ATG10: variants seen among roughly 807,000 people sequenced by gnomAD.
The protein encoded by ATG10 is autophagy related 10, also known as ubiquitin-like-conjugating enzyme ATG10.
ATG10 carries 30 observed loss-of-function variants against 32.1 expected under a neutral mutation model. That is an observed-to-expected ratio of 0.94 (90% CI 0.70 to 1.27). ATG10 has a LOEUF of 1.27. ATG10 is among the 50% of genes most tolerant of loss of function. The pLI, the probability that ATG10 is intolerant of heterozygous loss-of-function variation, is 0.00. For synonymous variants in ATG10, 87 were observed against 91.5 expected (o/e 0.95, Z 0.28); for missense variants, 233 against 262.3 (o/e 0.89, Z 0.77).
intron 3 of ATG10, among the ~76,000 whole-genome samples, chr5:82,098,313 T>G (rs1224085938): frequency 7.0e-6 from 1 of 142,856 alleles, no homozygotes; most frequent in Non-Finnish European, 1.5e-5. Context: ...GTTGGGTTTT[T>G]TTTTTTTTTT....
chr5:82,120,654 TTTCTG>T (rs1320680837), intron 3 of ATG10, among the ~76,000 whole-genome samples: 1 of 147,250 alleles, frequency 6.8e-6, no homozygotes, highest in African/African-American at 2.7e-5. Flanking sequence ...CTTTTACTTT[TTTCTG>T]TTTTTTTTTT....
intron 2 of ATG10, among the ~76,000 whole-genome samples, chr5:82,053,116 G>A (rs1237252542): frequency 1.3e-5 from 2 of 152,002 alleles, no homozygotes; most frequent in African/African-American, 4.8e-5. Flanking sequence ...GTATGAGAGT[G>A]CCTGCTTGTT....
rs531314169 is a variant in ATG10, at chr5:82,206,805, CA to C, written c.453+28219del. ...TCCCAATCACTTTCTCTCCCTTTTT[CA>C]TAGATGTAACAATTGTCTTGACTTC... is the stretch of plus-strand genomic sequence containing the variant. On this transcript the variant is annotated intron_variant, in intron 5 of 7. Transcript: ENST00000282185. 9.2e-5 allele frequency among the ~76,000 whole-genome samples: 14 copies of C among 152,218 alleles called. No homozygotes were observed. The South Asian group carries it at 2.9e-3, about 32-fold the overall frequency.
At chr5:82,139,720 T>C (rs1386472406) in intron 3 of ATG10, among the ~76,000 whole-genome samples, 55 of 83,730 alleles carry the variant, frequency 6.6e-4, no homozygotes, top group African/African-American at 2.6e-3. Context: ...TGGGGGGGGG[T>C]CAGCCCCCTG....
At chr5:82,204,160 T>C (rs1242882373) in intron 5 of ATG10, among the ~76,000 whole-genome samples, 1 of 152,204 alleles carries the variant, frequency 6.6e-6, no homozygotes, top group East Asian at 1.9e-4. Flanking sequence ...ATGTGGGAAG[T>C]AGTACTGCTT....
chr5:82,067,472 A>G (rs1370606829), intron 3 of ATG10, among the ~76,000 whole-genome samples: 1 of 152,176 alleles, frequency 6.6e-6, no homozygotes, highest in Non-Finnish European at 1.5e-5. Context: ...GACTTAGGGG[A>G]TCTTAAAGCA....
At position 82,079,395 on chromosome 5, in the gene ATG10, C is replaced by T. The variant is rs1295479052; in HGVS notation, c.216+20793C>T. 8.0e-5 allele frequency among the ~76,000 whole-genome samples: 12 copies of T among 150,638 alleles called. No homozygotes were observed. The South Asian group carries it at 8.4e-4, about 11-fold the overall frequency. ...TTTTTTTTTTTATATACTTTAAGTT[C>T]TAGGGTACATGTGCACAACATGCAG... On this transcript the variant is annotated intron_variant, in intron 3 of 7. Coordinates refer to ENST00000282185, the MANE Select transcript of ATG10 (RefSeq NM_031482.5).
At chr5:82,172,356 C>G (rs1437229546) in intron 4 of ATG10, among the ~76,000 whole-genome samples, 1 of 152,066 alleles carries the variant, frequency 6.6e-6, no homozygotes, top group Non-Finnish European at 1.5e-5. Context: ...ACCTTATGAC[C>G]TTGGGCAAGT....
At chr5:81,992,885 T>A (rs1761502458) in intron 2 of ATG10, among the ~76,000 whole-genome samples, 1 of 151,652 alleles carries the variant, frequency 6.6e-6, no homozygotes, top group Admixed American at 6.6e-5. Context: ...TTAATATTTT[T>A]AATTTTTATA....
intron 1 of ATG10, among the ~76,000 whole-genome samples, chr5:81,984,189 C>T (rs1187178743): frequency 1.3e-5 from 2 of 152,270 alleles, no homozygotes; most frequent in African/African-American, 4.8e-5. Context: ...CCTCGGGAGG[C>T]CGAGGCTGGC....
At chr5:81,986,275 AAC>A (rs1359005388) in intron 1 of ATG10, among the ~76,000 whole-genome samples, 1 of 152,200 alleles carries the variant, frequency 6.6e-6, no homozygotes, top group African/African-American at 2.4e-5. Flanking sequence ...AAGGTTTGTG[AAC>A]ACACAGTTAA....
At chr5:82,128,050 CT>C (rs1419033522) in intron 3 of ATG10, among the ~76,000 whole-genome samples, 2 of 151,992 alleles carry the variant, frequency 1.3e-5, no homozygotes, top group African/African-American at 4.8e-5. Context: ...CCTTCTTTGT[CT>C]CTTTTGATCT....
intron 3 of ATG10, among the ~76,000 whole-genome samples, chr5:82,116,119 A>G (rs1765802519): frequency 6.6e-6 from 1 of 152,062 alleles, no homozygotes; most frequent in South Asian, 2.1e-4. Context: ...CTTGTCTCTA[A>G]TCTAAAATAA....
intron 2 of ATG10, among the ~76,000 whole-genome samples, chr5:82,043,766 A>C (rs1272646901): frequency 6.6e-6 from 1 of 152,216 alleles, no homozygotes; most frequent in East Asian, 1.9e-4. Context: ...AAGCATAGCA[A>C]GAGTGATCTT....
intron 1 of ATG10, among the ~76,000 whole-genome samples, chr5:81,975,827 A>T (rs1760857058): frequency 1.3e-5 from 2 of 152,056 alleles, no homozygotes; most frequent in South Asian, 4.1e-4. Context: ...TTTAAACTCA[A>T]TTTTGTTCCA....
At chr5:82,126,969 G>A (rs1766304661) in intron 3 of ATG10, among the ~76,000 whole-genome samples, 1 of 151,790 alleles carries the variant, frequency 6.6e-6, no homozygotes, top group African/African-American at 2.4e-5. Context: ...ACTTGTTATT[G>A]GTCTATTCAG....
At chr5:82,033,760 ATATG>A (rs1367275918) in intron 2 of ATG10, among the ~76,000 whole-genome samples, 1 of 144,526 alleles carries the variant, frequency 6.9e-6, no homozygotes, top group Non-Finnish European at 1.5e-5. Context: ...ACACACACAC[ATATG>A]TGTGTATATA....
chr5:82,139,713 G>T (rs1185148415), intron 3 of ATG10, among the ~76,000 whole-genome samples: 3 of 143,244 alleles, frequency 2.1e-5, no homozygotes, highest in Admixed American at 1.4e-4. Context: ...AGGGAGGTGG[G>T]GGGGGGTCAG....
At chr5:82,246,738 T>C (rs1389460079) in intron 5 of ATG10, among the ~76,000 whole-genome samples, 2 of 152,134 alleles carry the variant, frequency 1.3e-5, no homozygotes, top group East Asian at 3.8e-4. Flanking sequence ...TACTTAGTCT[T>C]TTTTATTCAC....
Sources: gnomAD v4.1 joint callset for allele counts (sites outside exome capture counted in the v4.1 genomes callset) on GRCh38, gnomAD v4.1.1 for gene constraint, MANE v1.5 for transcripts, NCBI Gene and HGNC (gene_info 2026-07-23, HGNC 2026-07-21) for gene names.